NTRK2: variants seen among roughly 807,000 people sequenced by gnomAD.
The protein encoded by NTRK2 is neurotrophic receptor tyrosine kinase 2, also known as BDNF/NT-3 growth factors receptor.
In NTRK2, 13 loss-of-function variants were observed where a neutral mutation model predicts 94.5. The ratio of observed to expected loss-of-function variants is 0.14; its 90% CI spans 0.09 to 0.22. The LOEUF is 0.22. Among genes scored for constraint, NTRK2 ranks in the 10% least tolerant of loss-of-function variants. The pLI, the probability that NTRK2 is intolerant of heterozygous loss-of-function variation, is 1.00. For synonymous variants in NTRK2, 372 were observed against 407.4 expected (o/e 0.91, Z 1.05); for missense variants, 639 against 1,071.2 (o/e 0.60, Z 5.63).
chr9:84,812,795 A>G (rs77840620), intron 12 of NTRK2: 1 of 1,040,304 alleles, frequency 9.6e-7, no homozygotes, highest in East Asian at 5.8e-5. Context: ...ATTTGTACCC[A>G]ACAGCTAGAA....
chr9:84,879,156 CAG>C (rs943618599), intron 14 of NTRK2, among the ~76,000 whole-genome samples: 5 of 151,192 alleles, frequency 3.3e-5, no homozygotes, highest in Non-Finnish European at 5.9e-5. Context: ...GAGAGAGAGA[CAG>C]AGAGAGAGTG....
chr9:84,872,892 C>T, intron 14 of NTRK2: 1 of 1,065,404 alleles, frequency 9.4e-7, no homozygotes, highest in Non-Finnish European at 1.1e-6. Context: ...TTCTGCTCCC[C>T]TCAACAGCCA....
At chr9:84,820,105 A>G (rs907095541) in intron 12 of NTRK2, among the ~76,000 whole-genome samples, 1 of 151,722 alleles carries the variant, frequency 6.6e-6, no homozygotes, top group Non-Finnish European at 1.5e-5. Context: ...TGAAAATATG[A>G]GTATAATTTT....
At chr9:84,714,732 G>A (rs948690474) in intron 6 of NTRK2, among the ~76,000 whole-genome samples, 1 of 152,126 alleles carries the variant, frequency 6.6e-6, no homozygotes, top group African/African-American at 2.4e-5. Flanking sequence ...ATGAATTTAT[G>A]GTCAGCTGGC....
At chr9:84,950,713 G>A (rs1181454647) in intron 16 of NTRK2, among the ~76,000 whole-genome samples, 1 of 152,156 alleles carries the variant, frequency 6.6e-6, no homozygotes, top group Non-Finnish European at 1.5e-5. Flanking sequence ...CCCTTGCTGG[G>A]CACAGTTTCC....
chr9:84,882,719 T>TGTGTGTGCGCGCGCGCGC (rs761042296), intron 14 of NTRK2, among the ~76,000 whole-genome samples: 95 of 145,812 alleles, frequency 6.5e-4, no homozygotes, highest in African/African-American at 1.9e-3. Flanking sequence ...TGTGTGTGTG[T>TGTGTGTGCGCGCGCGCGC]GCGCGCGCGC....
At chr9:84,901,800 TTCC>T (rs2076938226) in intron 14 of NTRK2, among the ~76,000 whole-genome samples, 1 of 152,182 alleles carries the variant, frequency 6.6e-6, no homozygotes, top group African/African-American at 2.4e-5. Flanking sequence ...TAGACCATAA[TTCC>T]CTCTGTACAG....
chr9:84,874,857 C>T, intron 14 of NTRK2: 7 of 1,057,880 alleles, frequency 6.6e-6, no homozygotes, highest in Non-Finnish European at 8.0e-6. Context: ...CCAGGACAGT[C>T]CTAAACAGAC....
intron 12 of NTRK2, among the ~76,000 whole-genome samples, chr9:84,859,614 T>C: frequency 6.6e-6 from 1 of 152,166 alleles, no homozygotes; most frequent in East Asian, 1.9e-4. Context: ...GTGAGTTCTC[T>C]AAAATGGGAA....
At chr9:84,826,813 T>G (rs2073221822) in intron 12 of NTRK2, among the ~76,000 whole-genome samples, 1 of 152,240 alleles carries the variant, frequency 6.6e-6, no homozygotes. Flanking sequence ...ATTCATTTAA[T>G]AAAAATTTAA....
intron 12 of NTRK2, among the ~76,000 whole-genome samples, chr9:84,803,558 C>G (rs551675164): frequency 6.6e-6 from 1 of 152,116 alleles, no homozygotes; most frequent in African/African-American, 2.4e-5. Flanking sequence ...GGATACCCTC[C>G]GTGGGTCTGG....
At chr9:84,675,235 A>G (rs1284777763) in intron 2 of NTRK2, among the ~76,000 whole-genome samples, 4 of 151,466 alleles carry the variant, frequency 2.6e-5, no homozygotes, top group Non-Finnish European at 5.9e-5. Context: ...GACTATATCT[A>G]GGTCATAGGA....
At chr9:84,983,086 C>T (rs1319487582) in intron 17 of NTRK2, among the ~76,000 whole-genome samples, 2 of 152,102 alleles carry the variant, frequency 1.3e-5, no homozygotes, top group Non-Finnish European at 2.9e-5. Flanking sequence ...TTTGCTGATG[C>T]ATGAGCTGAG....
chr9:85,002,438 TA>T (rs1830437060), intron 17 of NTRK2, among the ~76,000 whole-genome samples: 1 of 152,216 alleles, frequency 6.6e-6, no homozygotes, highest in Admixed American at 6.5e-5. Context: ...CATTTTACTT[TA>T]TAATGCTCAG....
chr9:84,787,127 G>A (rs149318124), intron 12 of NTRK2, among the ~76,000 whole-genome samples: 2,054 of 152,030 alleles, frequency 0.014, 43 homozygotes, highest in African/African-American at 0.046. Context: ...GTGAAACCCC[G>A]TCTCTACTAA....
chr9:84,787,475 G>A (rs1229873058), intron 12 of NTRK2, among the ~76,000 whole-genome samples: 1 of 152,138 alleles, frequency 6.6e-6, no homozygotes, highest in Non-Finnish European at 1.5e-5. Flanking sequence ...CATAAAATTA[G>A]GATGACATGA....
At chr9:84,977,259 TG>T (rs57542126) in intron 17 of NTRK2, among the ~76,000 whole-genome samples, 33,331 of 152,128 alleles carry the variant, frequency 0.22, 4,397 homozygotes, top group African/African-American at 0.37. Context: ...CTGAATAAAG[TG>T]TATCTAATAC....
chr9:84,891,537 G>A (rs1250932693), intron 14 of NTRK2, among the ~76,000 whole-genome samples: 1 of 152,120 alleles, frequency 6.6e-6, no homozygotes, highest in Non-Finnish European at 1.5e-5. Context: ...CCATGGTTTT[G>A]CTTACCTTGG....
At chr9:84,773,804 T>G (rs2066781894) in intron 12 of NTRK2, among the ~76,000 whole-genome samples, 1 of 152,100 alleles carries the variant, frequency 6.6e-6, no homozygotes, top group African/African-American at 2.4e-5. Flanking sequence ...CACTTAACAC[T>G]CTTTCTCTTT....
Sources: gnomAD v4.1 joint callset for allele counts (sites outside exome capture counted in the v4.1 genomes callset) on GRCh38, gnomAD v4.1.1 for gene constraint, MANE v1.5 for transcripts, NCBI Gene and HGNC (gene_info 2026-07-23, HGNC 2026-07-21) for gene names.